Variants in TCF20 observed in about 807,000 individuals in gnomAD.
TCF20 encodes the protein transcription factor 20.
Under a neutral mutation model 148.6 loss-of-function variants are expected in TCF20, and 3 were observed. That is an observed-to-expected ratio of 0.02 (90% CI 0.01 to 0.05). The LOEUF (loss-of-function observed/expected upper bound fraction) is 0.05, where lower values mean the gene tolerates loss of function less well. Among genes scored for constraint, TCF20 ranks in the 10% least tolerant of loss-of-function variants. TCF20 has a pLI of 1.00. For synonymous variants in TCF20, 1,049 were observed against 909.5 expected (o/e 1.15, Z -2.76); for missense variants, 2,350 against 2,429.3 (o/e 0.97, Z 0.69).
Position 42,214,877 on chromosome 22 carries a change from G to A in TCF20, c.429C>T (p.His143=), listed in dbSNP as rs1921538757. The A allele has an allele frequency of 1.9e-6, 3 of 1,614,216 alleles. No homozygotes were observed. Among genetic ancestry groups the A allele is most frequent in the Middle Eastern group, 1.6e-4 (1 of 6,062 alleles). The stretch of plus-strand genomic sequence containing the variant: ...AATGTGACACACCGCCAAGGCCAGA[G>A]TGCTGTGCTTGAAACTGGCCCACAT... The part of the protein sequence containing the change: ...EGHVGQFQAQ[H]SGLGGVSHYQ... The change falls in exon 2 of 6, where the codon CAC becomes CAT. Residue 143 remains histidine (H), a synonymous_variant. Transcript: ENST00000677622.
At chr22:42,294,488 G>A (rs903344331) in intron 1 of TCF20, among the ~76,000 whole-genome samples, 3 of 152,196 alleles carry the variant, frequency 2.0e-5, no homozygotes, top group African/African-American at 7.2e-5. Context: ...GGAAGTCACT[G>A]GCAGGCAGTG....
chr22:42,272,569 G>A (rs1360005513), upstream of TCF20, among the ~76,000 whole-genome samples: 1 of 152,192 alleles, frequency 6.6e-6, no homozygotes, highest in African/African-American at 2.4e-5. Context: ...CAGATAACTG[G>A]AGTCCAGGCG....
chr22:42,161,845 C>A (rs1242918840), intron 5 of TCF20, among the ~76,000 whole-genome samples: 1 of 152,278 alleles, frequency 6.6e-6, no homozygotes, highest in South Asian at 2.1e-4. Flanking sequence ...GTTTTTGAGA[C>A]AAGACATCGC....
intron 1 of TCF20, among the ~76,000 whole-genome samples, chr22:42,294,596 C>T (rs1476320797): frequency 6.6e-6 from 1 of 152,152 alleles, no homozygotes; most frequent in Non-Finnish European, 1.5e-5. Context: ...CCAGCGGTCA[C>T]AAGGATTTAG....
chr22:42,215,388 C>A (rs1191264282), intron 1 of TCF20, 47 bp from the exon 2 acceptor site: 4 of 1,509,774 alleles, frequency 2.6e-6, no homozygotes, highest in East Asian at 2.3e-5. Flanking sequence ...CTCCTTGGTA[C>A]AAATAAAATC....
intron 1 of TCF20, among the ~76,000 whole-genome samples, chr22:42,216,419 T>G (rs1201526415): frequency 2.0e-5 from 3 of 152,164 alleles, no homozygotes; most frequent in Non-Finnish European, 2.9e-5. Context: ...CAACTACCTG[T>G]GATGACTGGT....
intron 2 of TCF20, among the ~76,000 whole-genome samples, chr22:42,181,195 T>C (rs1204281001): frequency 6.6e-6 from 1 of 152,132 alleles, no homozygotes; most frequent in Non-Finnish European, 1.5e-5. Context: ...TGCCACTTTC[T>C]TTTTTTGAGA....
intron 1 of TCF20, among the ~76,000 whole-genome samples, chr22:42,254,563 C>T (rs1422522773): frequency 2.6e-5 from 4 of 152,200 alleles, no homozygotes. Flanking sequence ...CTCACCTGTC[C>T]TCCATTCACC....
At chr22:42,181,259 C>G (rs1429684551) in intron 2 of TCF20, among the ~76,000 whole-genome samples, 3 of 152,204 alleles carry the variant, frequency 2.0e-5, no homozygotes, top group African/African-American at 7.2e-5. Context: ...TCTTGGCTCA[C>G]TGCAACCTCT....
rs59283483 is a variant in TCF20 at position 42,221,739 on chromosome 22, G to GTTTTTTT, written c.-36-6405_-36-6399dup. Among the ~76,000 whole-genome samples, 41 of 92,802 alleles carry GTTTTTTT rather than the reference G, an allele frequency of 4.4e-4. 10 individuals carry two copies. Among genetic ancestry groups the GTTTTTTT allele is most frequent in the Middle Eastern group, 7.1e-3 (1 of 140 alleles). 60.9% of individuals were successfully genotyped at this position (92,802 alleles called of 152,430 possible). Reference sequence around the variant, plus strand: ...GGGCTTATTAACCATATGGCAAAGGGTTTTTTTTTTTTTTTTTGAGACGGA... The same window carrying GTTTTTTT: ...GGGCTTATTAACCATATGGCAAAGGGTTTTTTTTTTTTTTTTTTTTTTTTGAGACGGA... On this transcript the variant is annotated intron_variant, in intron 1 of 5. Transcript: ENST00000677622.
chr22:42,327,897 C>T (rs5751264), intron 1 of TCF20, among the ~76,000 whole-genome samples: 54,863 of 151,342 alleles, frequency 0.36, 10,807 homozygotes, highest in East Asian at 0.58. Flanking sequence ...CACTCCCTAC[C>T]GCAGGGGCTT....
In TCF20 at chr22:42,214,937, C is replaced by A; in HGVS notation, c.369G>T (p.Gly123=). The change falls in exon 2 of 6, where the codon GGG becomes GGT. Residue 123 remains glycine, a synonymous_variant. Transcript: ENST00000677622. ...TCCCATACTGATTGCCAAAGCTGCT[C>A]CCCTGGGGGGGTCCATAGCTCTGCA... ...GPVQSYGPPQ[G]SSFGNQYGSE... The A allele has an allele frequency of 4.3e-6, 7 of 1,614,210 alleles. No homozygotes were observed. The highest frequency in any genetic ancestry group is 5.9e-6 in the Non-Finnish European group (7 of 1,180,038).
At chr22:42,202,304 G>A (rs1938085545) in intron 2 of TCF20, among the ~76,000 whole-genome samples, 2 of 152,204 alleles carry the variant, frequency 1.3e-5, no homozygotes, top group South Asian at 4.1e-4. Context: ...CCACCTAACT[G>A]TTGAAATGTG....
At chr22:42,162,783 G>A (rs1191164122) in intron 5 of TCF20, among the ~76,000 whole-genome samples, 1 of 152,186 alleles carries the variant, frequency 6.6e-6, no homozygotes, top group African/African-American at 2.4e-5. Context: ...CACACACGCA[G>A]AACTGCTAAG....
upstream of TCF20, among the ~76,000 whole-genome samples, chr22:42,284,155 A>AT (rs1926977457): frequency 1.3e-5 from 2 of 151,628 alleles, no homozygotes; most frequent in Middle Eastern, 3.4e-3. Flanking sequence ...GGAGCACCCG[A>AT]TCCCCCCTCG....
intron 2 of TCF20, among the ~76,000 whole-genome samples, chr22:42,180,523 T>C (rs1194671624): frequency 1.3e-5 from 2 of 152,192 alleles, no homozygotes; most frequent in African/African-American, 4.8e-5. Flanking sequence ...GTGACCCTAC[T>C]AAGGATGCTG....
At chr22:42,239,413 T>C (rs995062422) in intron 1 of TCF20, among the ~76,000 whole-genome samples, 2 of 151,532 alleles carry the variant, frequency 1.3e-5, no homozygotes, top group African/African-American at 2.4e-5. Context: ...GAGGCGGAGA[T>C]TGCAGTGAGC....
rs1569109238 is a variant in TCF20 at position 42,178,582 on chromosome 22, ATTCTTT to A, written c.5749+1021_5749+1026del. On this transcript the variant is annotated intron_variant, in intron 3 of 5. Coordinates refer to ENST00000677622, the MANE Select transcript of TCF20 (RefSeq NM_001378418.1). Reference sequence around the variant, plus strand: ...AACCACATATCCAGAATTACAAATAATTCTTTTTTTTTTTTTTTTTTTTTTTGAGAC... The same window carrying A: ...AACCACATATCCAGAATTACAAATAATTTTTTTTTTTTTTTTTTTTGAGAC... Among the ~76,000 whole-genome samples the A allele has an allele frequency of 2.8e-5, 4 of 144,024 alleles. No individual in the cohort carries two copies. In the South Asian group the frequency reaches 8.8e-4, roughly 32 times the overall value. 94.5% of individuals were successfully genotyped at this position (144,024 alleles called of 152,430 possible). A position where few individuals can be genotyped will look rare whatever the true frequency, so the allele number is the denominator to read the frequency against.
chr22:42,254,380 G>A (rs1322474617), intron 1 of TCF20, among the ~76,000 whole-genome samples: 1 of 152,166 alleles, frequency 6.6e-6, no homozygotes, highest in Admixed American at 6.5e-5. Flanking sequence ...AACTTATCCT[G>A]CAAGTTATAT....
Sources: allele counts gnomAD v4.1 joint callset (sites outside exome capture counted in the v4.1 genomes callset), GRCh38; gene constraint gnomAD v4.1.1; transcripts MANE v1.5; gene names NCBI Gene and HGNC (gene_info 2026-07-23, HGNC 2026-07-21).